Variants in SPOCK3 observed in about 807,000 individuals in gnomAD.
The protein encoded by SPOCK3 is SPARC (osteonectin), cwcv and kazal like domains proteoglycan 3.
A neutral mutation model predicts 56.6 loss-of-function variants in SPOCK3; 30 were observed. That is an observed-to-expected ratio of 0.53 (90% CI 0.40 to 0.72). The LOEUF is 0.72. SPOCK3 is among the 30% of genes least tolerant of loss of function. The pLI is 0.00. For missense variants in SPOCK3, 527 were observed against 530.0 expected, an observed-to-expected ratio of 0.99 and a Z score of 0.06; for synonymous variants, 196 against 183.3, an observed-to-expected ratio of 1.07 and a Z score of -0.56.
At chr4:166,814,808 A>G (rs1337377331) in intron 6 of SPOCK3, among the ~76,000 whole-genome samples, 4 of 151,522 alleles carry the variant, frequency 2.6e-5, no homozygotes, top group African/African-American at 9.7e-5. Flanking sequence ...TCCCCAATAA[A>G]CTCCCTTTCA....
chr4:167,173,175 C>T (rs1051343153), intron 2 of SPOCK3, among the ~76,000 whole-genome samples: 6 of 152,038 alleles, frequency 3.9e-5, no homozygotes, highest in East Asian at 3.9e-4. Context: ...AATGGATACC[C>T]GTAAGCACTT....
intron 2 of SPOCK3, among the ~76,000 whole-genome samples, chr4:167,227,887 G>A (rs532521749): frequency 2.0e-5 from 3 of 152,200 alleles, no homozygotes; most frequent in Admixed American, 2.0e-4. Context: ...AGTGGTACAC[G>A]ATGTTCCTTT....
At chr4:166,817,611 T>C (rs910036554) in intron 6 of SPOCK3, among the ~76,000 whole-genome samples, 1 of 152,032 alleles carries the variant, frequency 6.6e-6, no homozygotes, top group African/African-American at 2.4e-5. Context: ...TGGTCAACAC[T>C]TCCTCATCCT....
In SPOCK3 at chr4:166,754,510, T is replaced by G. The variant is rs1364025954; in HGVS notation, c.929A>C (p.Gln310Pro). The G allele has an allele frequency of 6.2e-7, 1 of 1,612,174 alleles. No homozygotes were observed. Among genetic ancestry groups the G allele is most frequent in the Non-Finnish European group, 8.5e-7 (1 of 1,178,952 alleles). The change falls in exon 8 of 11, where the codon CAA becomes CCA. Residue 310 changes from glutamine (Q) to proline (P), a missense_variant and splice_region_variant. Gln to Pro is a moderately conservative substitution (Grantham distance 76). Coordinates refer to ENST00000357545, the MANE Select transcript of SPOCK3 (RefSeq NM_001040159.2). ...TCTGTAAGGGTCTCATCTTTTACCT[T>G]GCTGTCTCTGGAAGCAGTAGCACCA... ...NEWCYCFQRQ[Q>P]DPPCQTELSN...
chr4:167,207,144 T>C (rs1192798541), intron 2 of SPOCK3, among the ~76,000 whole-genome samples: 1 of 152,120 alleles, frequency 6.6e-6, no homozygotes, highest in Non-Finnish European at 1.5e-5. Flanking sequence ...GTCTATAAGT[T>C]GTTTTTATTT....
At chr4:166,784,942 T>A (rs891849570) in intron 7 of SPOCK3, among the ~76,000 whole-genome samples, 1 of 152,116 alleles carries the variant, frequency 6.6e-6, no homozygotes, top group African/African-American at 2.4e-5. Context: ...AATGTCACTT[T>A]CAAGAATTAT....
intron 7 of SPOCK3, among the ~76,000 whole-genome samples, chr4:166,769,219 G>T (rs1007814594): frequency 5.9e-5 from 9 of 152,194 alleles, no homozygotes; most frequent in Non-Finnish European, 1.3e-4. Context: ...GCTGTCTTCT[G>T]TTGCTGGGGA....
intron 4 of SPOCK3, among the ~76,000 whole-genome samples, chr4:166,950,091 A>T (rs564126283): frequency 6.6e-6 from 1 of 151,258 alleles, no homozygotes; most frequent in East Asian, 1.9e-4. Context: ...AACAATATTA[A>T]TTTTAAATGT....
At chr4:167,132,101 C>T (rs554835333) in intron 2 of SPOCK3, among the ~76,000 whole-genome samples, 1 of 152,290 alleles carries the variant, frequency 6.6e-6, no homozygotes, top group African/African-American at 2.4e-5. Flanking sequence ...TTTAAAGACA[C>T]ATTTCATGTG....
chr4:167,125,144 T>C (rs187590864), intron 2 of SPOCK3, among the ~76,000 whole-genome samples: 270 of 151,600 alleles, frequency 1.8e-3, no homozygotes, highest in Non-Finnish European at 3.4e-3. Context: ...ATCCTTCTTA[T>C]GGGGTAGCTC....
At chr4:167,175,489 C>T (rs1328414517) in intron 2 of SPOCK3, among the ~76,000 whole-genome samples, 1 of 152,146 alleles carries the variant, frequency 6.6e-6, no homozygotes, top group Non-Finnish European at 1.5e-5. Flanking sequence ...CGTTGAAAGC[C>T]TAAGCCCCAG....
intron 7 of SPOCK3, among the ~76,000 whole-genome samples, chr4:166,789,140 C>CA (rs1012529306): frequency 2.5e-4 from 38 of 152,040 alleles, no homozygotes; most frequent in African/African-American, 7.0e-4. Context: ...ATTAAAAATA[C>CA]AAAAACTTGC....
intron 6 of SPOCK3, among the ~76,000 whole-genome samples, chr4:166,863,126 A>T (rs1460998040): frequency 6.6e-6 from 1 of 152,130 alleles, no homozygotes; most frequent in Admixed American, 6.6e-5. Flanking sequence ...TAAAGAAAAC[A>T]ATTTTCAACC....
intron 3 of SPOCK3, among the ~76,000 whole-genome samples, chr4:167,014,626 G>C (rs894458566): frequency 6.6e-6 from 1 of 152,066 alleles, no homozygotes; most frequent in African/African-American, 2.4e-5. Flanking sequence ...CTATGCTCCA[G>C]CTTGGGTGAC....
At chr4:167,204,831 A>ATTTATTTAT (rs1733872949) in intron 2 of SPOCK3, among the ~76,000 whole-genome samples, 1 of 151,454 alleles carries the variant, frequency 6.6e-6, no homozygotes, top group Non-Finnish European at 1.5e-5. Context: ...AATCATATTT[A>ATTTATTTAT]TTTATTTATT....
At chr4:166,910,013 T>C (rs1737084895) in intron 5 of SPOCK3, among the ~76,000 whole-genome samples, 1 of 152,050 alleles carries the variant, frequency 6.6e-6, no homozygotes, top group African/African-American at 2.4e-5. Flanking sequence ...AACACCAACA[T>C]ATTGAAGTCC....
chr4:166,899,508 C>CTTTTTTTT lies in SPOCK3; in HGVS notation c.475-10272_475-10265dup, dbSNP rs781766258. On this transcript the variant is annotated intron_variant, in intron 5 of 10. Coordinates refer to ENST00000357545, the MANE Select transcript of SPOCK3 (RefSeq NM_001040159.2). ...ATCTGTTCAGTGTATTTCTTTCTTT[C>CTTTTTTTT]TTTTTTTTTTTTTTTTGAGACAGAG... Among the ~76,000 whole-genome samples the CTTTTTTTT allele has an allele frequency of 1.2e-3, 139 of 119,084 alleles. 4 individuals carry two copies. The highest frequency in any genetic ancestry group is 5.2e-3 in the Middle Eastern group (1 of 194). The allele number at this position is 119,084 out of a possible 152,430, so 78.1% of individuals were successfully genotyped here.
At chr4:167,031,223 A>C (rs568629654) in intron 3 of SPOCK3, among the ~76,000 whole-genome samples, 10 of 152,128 alleles carry the variant, frequency 6.6e-5, no homozygotes, top group Non-Finnish European at 1.2e-4. Flanking sequence ...ACTCTATTAG[A>C]GGTATGAAAT....
intron 2 of SPOCK3, among the ~76,000 whole-genome samples, chr4:167,077,935 A>T (rs1202566516): frequency 6.6e-6 from 1 of 151,936 alleles, no homozygotes; most frequent in African/African-American, 2.4e-5. Context: ...TTATTCCTTT[A>T]ACACCTTTAT....
Sources: allele counts gnomAD v4.1 joint callset (sites outside exome capture counted in the v4.1 genomes callset), GRCh38; gene constraint gnomAD v4.1.1; transcripts MANE v1.5; gene names NCBI Gene and HGNC (gene_info 2026-07-23, HGNC 2026-07-21).